Variants in PAGE2B observed in about 807,000 individuals in gnomAD.
PAGE2B encodes putative G antigen family E member 3.
A neutral mutation model predicts 7.6 loss-of-function variants in PAGE2B; 5 were observed. The ratio of observed to expected loss-of-function variants is 0.66; its 90% CI spans 0.34 to 1.38. The LOEUF is 1.38. PAGE2B is among the 40% of genes most tolerant of loss of function. PAGE2B has a pLI of 0.04. For missense variants in PAGE2B, 70 were observed against 78.4 expected, an observed-to-expected ratio of 0.89 and a Z score of 0.41; for synonymous variants, 29 against 26.7, an observed-to-expected ratio of 1.09 and a Z score of -0.27.
the PAGE2B span, among the ~76,000 whole-genome samples, chrX:55,052,123 G>A: frequency 1.0e-3 from 116 of 111,694 alleles, no homozygotes; most frequent in African/African-American, 1.2e-3. Context: ...GCAGAACAGC[G>A]GATATTGGTG....
the PAGE2B span, among the ~76,000 whole-genome samples, chrX:55,040,612 A>T: frequency 3.6e-5 from 4 of 111,201 alleles, no homozygotes; most frequent in Non-Finnish European, 7.5e-5. Flanking sequence ...GAGCAATCAG[A>T]TTCATAGAGA....
upstream of PAGE2B, among the ~76,000 whole-genome samples, chrX:55,074,761 A>G (rs1936484844): frequency 8.9e-6 from 1 of 112,749 alleles, no homozygotes; most frequent in Non-Finnish European, 1.9e-5. Flanking sequence ...GAAACACATT[A>G]TTAGAGTAAC....
chrX:55,038,199 C>G, the PAGE2B span, among the ~76,000 whole-genome samples: 1,019 of 111,239 alleles, frequency 9.2e-3, 11 homozygotes, highest in African/African-American at 0.032. Flanking sequence ...CAATTCTGCT[C>G]TCTACCCATA....
chrX:55,054,167 C>A, the PAGE2B span, among the ~76,000 whole-genome samples: 2 of 110,800 alleles, frequency 1.8e-5, no homozygotes, highest in African/African-American at 6.6e-5. Flanking sequence ...CGAAATCATG[C>A]CACTGCACTC....
At chrX:55,037,503 A>G in the PAGE2B span, among the ~76,000 whole-genome samples, 1 of 111,188 alleles carries the variant, frequency 9.0e-6, no homozygotes, top group Non-Finnish European at 1.9e-5. Flanking sequence ...GCGATTCCTC[A>G]GGGATCTAGA....
At chrX:55,036,091 G>A in the PAGE2B span, among the ~76,000 whole-genome samples, 1 of 111,524 alleles carries the variant, frequency 9.0e-6, no homozygotes, top group Admixed American at 9.6e-5. Flanking sequence ...TCATGATTTG[G>A]CTCTCTGTTT....
chrX:55,053,936 C>T, the PAGE2B span, among the ~76,000 whole-genome samples: 4 of 112,352 alleles, frequency 3.6e-5, no homozygotes, highest in East Asian at 1.1e-3. Flanking sequence ...CTATTTTCAG[C>T]CAGGTGCGGT....
the PAGE2B span, among the ~76,000 whole-genome samples, chrX:55,051,122 T>C: frequency 8.9e-6 from 1 of 111,756 alleles, no homozygotes; most frequent in Admixed American, 9.6e-5. Context: ...TCTTTAAGAA[T>C]GTTGAATATC....
chrX:55,030,280 A>G, the PAGE2B span, among the ~76,000 whole-genome samples: 1 of 111,875 alleles, frequency 8.9e-6, no homozygotes, highest in Non-Finnish European at 1.9e-5. Flanking sequence ...TACTTTCTGT[A>G]TAGTGACACT....
the PAGE2B span, among the ~76,000 whole-genome samples, chrX:55,057,026 G>A: frequency 9.0e-6 from 1 of 111,522 alleles, no homozygotes; most frequent in Non-Finnish European, 1.9e-5. Context: ...TTGATGCAGA[G>A]AGGAAGGAAG....
At chrX:55,070,090 G>A (rs190180219), upstream of PAGE2B, among the ~76,000 whole-genome samples, 77 of 111,081 alleles carry the variant, frequency 6.9e-4, no homozygotes, top group East Asian at 0.019. Flanking sequence ...TTTTGAATGT[G>A]TTTGCTCTTG....
chrX:55,058,616 C>T, the PAGE2B span, among the ~76,000 whole-genome samples: 1 of 111,175 alleles, frequency 9.0e-6, no homozygotes, highest in African/African-American at 3.3e-5. Context: ...TTTAGAGAAA[C>T]TTCTGATAAG....
At chrX:55,057,135 A>C in the PAGE2B span, among the ~76,000 whole-genome samples, 4 of 111,188 alleles carry the variant, frequency 3.6e-5, no homozygotes, top group African/African-American at 1.3e-4. Flanking sequence ...GTGGTAGAGA[A>C]ATAGACTGTG....
chrX:55,073,745 C>T (rs7891455), upstream of PAGE2B, among the ~76,000 whole-genome samples: 5,376 of 111,619 alleles, frequency 0.048, 337 homozygotes, highest in African/African-American at 0.17. Flanking sequence ...AGATTGTTCT[C>T]CTCCCTAGTT....
the PAGE2B span, among the ~76,000 whole-genome samples, chrX:55,067,257 C>T: frequency 1.8e-5 from 2 of 110,413 alleles, no homozygotes; most frequent in African/African-American, 3.3e-5. Flanking sequence ...TCCCTGTGTC[C>T]ATGTGTTCTC....
chrX:55,041,370 C>T, the PAGE2B span, among the ~76,000 whole-genome samples: 3 of 110,960 alleles, frequency 2.7e-5, no homozygotes, highest in Non-Finnish European at 5.7e-5. Flanking sequence ...CGTGAGCCAC[C>T]GTGCCCGGCC....
chrX:55,034,486 G>T, the PAGE2B span, among the ~76,000 whole-genome samples: 26 of 110,616 alleles, frequency 2.4e-4, no homozygotes, highest in African/African-American at 8.5e-4. Context: ...GTAATACAGA[G>T]AATTCTCTTA....
At chrX:55,032,225 T>A in the PAGE2B span, among the ~76,000 whole-genome samples, 1 of 111,877 alleles carries the variant, frequency 8.9e-6, no homozygotes, top group African/African-American at 3.3e-5. Context: ...CCTATACATG[T>A]GTTATACACC....
chrX:55,037,286 A>C, the PAGE2B span, among the ~76,000 whole-genome samples: 3 of 112,311 alleles, frequency 2.7e-5, no homozygotes, highest in Non-Finnish European at 5.6e-5. Flanking sequence ...ATGCAGCCAA[A>C]AGACATATGA....
Sources: allele counts gnomAD v4.1 joint callset (sites outside exome capture counted in the v4.1 genomes callset), GRCh38; gene constraint gnomAD v4.1.1; transcripts MANE v1.5; gene names NCBI Gene and HGNC (gene_info 2026-07-23, HGNC 2026-07-21).